NCEH1: variants seen among roughly 807,000 people sequenced by gnomAD.
NCEH1 encodes the protein 2-acetyl MAGE hydrolase.
In NCEH1, 9 loss-of-function variants were observed where a neutral mutation model predicts 25.4. The ratio of observed to expected loss-of-function variants is 0.35; its 90% CI spans 0.21 to 0.62. The LOEUF is 0.62. NCEH1 is among the 20% of genes least tolerant of loss of function. The pLI is 0.72. For missense variants in NCEH1, 412 were observed against 501.1 expected (o/e 0.82, Z 1.70); for synonymous variants, 200 against 199.8 (o/e 1.00, Z -0.01).
intron 1 of NCEH1, among the ~76,000 whole-genome samples, chr3:172,676,314 G>T (rs1190460072): frequency 6.6e-6 from 1 of 152,132 alleles, no homozygotes; most frequent in Non-Finnish European, 1.5e-5. Flanking sequence ...AATGCCGCCC[G>T]TTAGAAATGG....
chr3:172,673,944 T>C (rs960064838), intron 1 of NCEH1, among the ~76,000 whole-genome samples: 4 of 152,170 alleles, frequency 2.6e-5, no homozygotes, highest in African/African-American at 9.7e-5. Context: ...GCTTTTTACT[T>C]GGGAATGGAT....
intron 1 of NCEH1, among the ~76,000 whole-genome samples, chr3:172,685,137 CA>C (rs1376202362): frequency 6.6e-6 from 1 of 151,580 alleles, no homozygotes; most frequent in Non-Finnish European, 1.5e-5. Flanking sequence ...ACTAAAAATA[CA>C]AAAAGCTAGC....
chr3:172,657,533 C>A (rs1717753722), intron 1 of NCEH1, among the ~76,000 whole-genome samples: 1 of 152,204 alleles, frequency 6.6e-6, no homozygotes, highest in South Asian at 2.1e-4. Flanking sequence ...CACCCCCGCT[C>A]TCGTTGCTGC....
chr3:172,690,858 A>AC (rs921657714), intron 1 of NCEH1, among the ~76,000 whole-genome samples: 3 of 151,624 alleles, frequency 2.0e-5, no homozygotes, highest in African/African-American at 7.3e-5. Context: ...ATTATAGGTA[A>AC]TTTTTTTTTC....
At chr3:172,665,948 C>T (rs1251863698) in intron 1 of NCEH1, among the ~76,000 whole-genome samples, 1 of 152,178 alleles carries the variant, frequency 6.6e-6, no homozygotes, top group Non-Finnish European at 1.5e-5. Flanking sequence ...CCGGGTGAGG[C>T]GATGCCCCAC....
intron 2 of NCEH1, 153 bp downstream of exon 2, chr3:172,647,733 T>C: frequency 1.0e-6 from 1 of 989,854 alleles, no homozygotes; most frequent in Non-Finnish European, 1.5e-6. Context: ...GCACTAGTCA[T>C]AATTTTGCTG....
chr3:172,699,438 A>G (rs563416105), intron 1 of NCEH1, among the ~76,000 whole-genome samples: 6 of 152,292 alleles, frequency 3.9e-5, no homozygotes, highest in African/African-American at 1.4e-4. Context: ...ATTAACAGTC[A>G]GATTGGAGCA....
chr3:172,634,733 T>A (rs1411278380), intron 4 of NCEH1, among the ~76,000 whole-genome samples: 2 of 152,204 alleles, frequency 1.3e-5, no homozygotes, highest in Admixed American at 6.5e-5. Flanking sequence ...AGTGTTAACA[T>A]TGCCCCATTT....
chr3:172,653,325 A>G (rs1316447253), intron 1 of NCEH1, among the ~76,000 whole-genome samples: 1 of 152,100 alleles, frequency 6.6e-6, no homozygotes, highest in East Asian at 1.9e-4. Context: ...CCAAGCAGAA[A>G]CTGTGCTCTG....
At position 172,632,413 on chromosome 3, in the gene NCEH1, T is replaced by C. The variant is rs1716400366; in HGVS notation, c.*1062A>G. ...GAAAAACCTTAAGTCTAGCTATGTA[T>C]ATTAACATTAAATAACTTAAAAAAA... On this transcript the variant is annotated 3_prime_UTR_variant, in exon 5 of 5. Transcript: ENST00000475381. The C allele has an allele frequency of 6.6e-6, 1 of 152,456 alleles. No individual in the cohort carries two copies. The highest frequency in any genetic ancestry group is 1.5e-5 in the Non-Finnish European group (1 of 68,016). 9.4% of individuals were successfully genotyped at this position (152,456 alleles called of 1,614,324 possible). A position where few individuals can be genotyped will look rare whatever the true frequency, so the allele number is the denominator to read the frequency against.
At chr3:172,703,495 T>C (rs2108538939) in intron 1 of NCEH1, among the ~76,000 whole-genome samples, 2 of 132,644 alleles carry the variant, frequency 1.5e-5, no homozygotes. Context: ...ACCATTGCAT[T>C]CCCGCCTGAG....
At chr3:172,680,303 T>A (rs182860453) in intron 1 of NCEH1, among the ~76,000 whole-genome samples, 1 of 152,138 alleles carries the variant, frequency 6.6e-6, no homozygotes, top group Non-Finnish European at 1.5e-5. Flanking sequence ...AGGTAGAACA[T>A]CTGAATGACA....
intron 1 of NCEH1, among the ~76,000 whole-genome samples, chr3:172,692,883 C>A (rs955563957): frequency 1.2e-4 from 18 of 152,216 alleles, no homozygotes; most frequent in African/African-American, 4.1e-4. Flanking sequence ...AACTCCAGAG[C>A]AGTAGCTTCC....
chr3:172,663,347 C>A (rs1445535187), intron 1 of NCEH1, among the ~76,000 whole-genome samples: 2 of 152,094 alleles, frequency 1.3e-5, no homozygotes, highest in African/African-American at 2.4e-5. Flanking sequence ...AATTTCTGTT[C>A]TTTTACATTT....
At chr3:172,681,354 C>T (rs1238440413) in intron 1 of NCEH1, 2 of 152,072 alleles carry the variant, frequency 1.3e-5, no homozygotes, top group Non-Finnish European at 2.9e-5. Context: ...TTCTGATGTT[C>T]TTACACTAAA....
At chr3:172,665,591 G>A (rs1718170641) in intron 1 of NCEH1, among the ~76,000 whole-genome samples, 1 of 152,218 alleles carries the variant, frequency 6.6e-6, no homozygotes, top group Non-Finnish European at 1.5e-5. Flanking sequence ...CCCCAGAGGT[G>A]GAGTCTACAG....
chr3:172,684,484 CA>C (rs10663183), intron 1 of NCEH1, among the ~76,000 whole-genome samples: 2 of 128,562 alleles, frequency 1.6e-5, no homozygotes, highest in African/African-American at 6.0e-5. Context: ...TGGATAATTA[CA>C]AAAAACAACA....
chr3:172,659,732 C>G (rs1283614430), intron 1 of NCEH1, among the ~76,000 whole-genome samples: 1 of 152,188 alleles, frequency 6.6e-6, no homozygotes, highest in Non-Finnish European at 1.5e-5. Context: ...CAAAGGGAAA[C>G]TAAGGCCCAG....
In NCEH1 at chr3:172,635,862, T is replaced by C. The variant is rs1406529084; in HGVS notation, c.609+54A>G. The C allele has an allele frequency of 3.9e-6, 6 of 1,546,194 alleles. No homozygotes were observed. In the East Asian group the frequency reaches 1.3e-4, roughly 35 times the overall value. Reference sequence around the variant, plus strand: ...CATAATGGAGGGTGTGTTGGTCTGCTAGACCTTGTCATGCACCGCTTAACC... The same window carrying C: ...CATAATGGAGGGTGTGTTGGTCTGCCAGACCTTGTCATGCACCGCTTAACC... On this transcript the variant is annotated intron_variant, in intron 4 of 4. Transcript: ENST00000475381.
Sources: gnomAD v4.1 joint callset for allele counts (sites outside exome capture counted in the v4.1 genomes callset) on GRCh38, gnomAD v4.1.1 for gene constraint, MANE v1.5 for transcripts, NCBI Gene and HGNC (gene_info 2026-07-23, HGNC 2026-07-21) for gene names.